The following EPG5 variants were observed in gnomAD, a reference collection of about 807,000 sequenced individuals.
The protein encoded by EPG5 is ectopic P-granules 5 autophagy tethering factor, also known as ectopic P granules protein 5 homolog.
EPG5 carries 159 observed loss-of-function variants against 302.7 expected under a neutral mutation model. That is an observed-to-expected ratio of 0.53 (90% CI 0.46 to 0.60). The LOEUF (loss-of-function observed/expected upper bound fraction) is 0.60, where lower values mean the gene tolerates loss of function less well. Ranked by LOEUF, EPG5 falls within the 20% of genes least tolerant of loss-of-function variation. The pLI is 0.00. For missense variants in EPG5, 2,896 were observed against 3,092.4 expected (o/e 0.94, Z 1.51); for synonymous variants, 1,158 against 1,136.8 (o/e 1.02, Z -0.37).
intron 27 of EPG5, among the ~76,000 whole-genome samples, chr18:45,896,584 G>C (rs989514483): frequency 6.6e-6 from 1 of 150,794 alleles, no homozygotes; most frequent in Non-Finnish European, 1.5e-5. Flanking sequence ...TCACTCTGTT[G>C]CCCAGGCTGG....
chr18:45,887,483 T>C (rs2049243273), intron 29 of EPG5, among the ~76,000 whole-genome samples: 1 of 152,238 alleles, frequency 6.6e-6, no homozygotes, highest in Non-Finnish European at 1.5e-5. Context: ...TTAGTACTGT[T>C]ATTGTTAAGA....
chr18:45,901,770 C>T (rs926491357), intron 25 of EPG5, among the ~76,000 whole-genome samples: 3 of 147,506 alleles, frequency 2.0e-5, no homozygotes, highest in African/African-American at 7.8e-5. Context: ...CTGTGCCACA[C>T]ACACACACAC....
intron 11 of EPG5, among the ~76,000 whole-genome samples, chr18:45,933,904 T>G (rs1421147878): frequency 1.3e-5 from 2 of 152,198 alleles, no homozygotes; most frequent in African/African-American, 4.8e-5. Flanking sequence ...ATTGTCTATC[T>G]TTTTTAACGT....
At chr18:45,915,860 G>A (rs1348064697) in intron 19 of EPG5, 149 bp downstream of exon 19, 13 of 807,692 alleles carry the variant, frequency 1.6e-5, no homozygotes, top group Middle Eastern at 3.8e-4. Flanking sequence ...AGTGGACTAC[G>A]ATTATCGGGA....
chr18:45,931,392 T>C (rs1260274609), intron 11 of EPG5, among the ~76,000 whole-genome samples: 2 of 152,190 alleles, frequency 1.3e-5, no homozygotes, highest in African/African-American at 4.8e-5. Context: ...AACGATATAA[T>C]AAATGTGATA....
At chr18:45,959,418 AG>A (rs201726276) in intron 1 of EPG5, among the ~76,000 whole-genome samples, 2,370 of 152,130 alleles carry the variant, frequency 0.016, 58 homozygotes, top group African/African-American at 0.054. Flanking sequence ...AGGCTGAGGC[AG>A]GTGGATTACG....
chr18:45,937,563 C>G (rs978834403), intron 10 of EPG5, among the ~76,000 whole-genome samples: 1 of 151,988 alleles, frequency 6.6e-6, no homozygotes, highest in African/African-American at 2.4e-5. Context: ...CCTGCCACCA[C>G]GCCCAGCTAA....
chr18:45,867,752 A>G lies in EPG5; in HGVS notation c.6226-4T>C, dbSNP rs1475374269. The G allele has an allele frequency of 1.3e-6, 2 of 1,587,376 alleles. No homozygotes were observed. Among genetic ancestry groups the G allele is most frequent in the South Asian group, 1.1e-5 (1 of 87,730 alleles). On this transcript the variant is annotated splice_polypyrimidine_tract_variant and splice_region_variant and intron_variant, in intron 36 of 43. Coordinates refer to ENST00000282041, the MANE Select transcript of EPG5 (RefSeq NM_020964.3). ...TCTTGGGGCTTCCTCGTTCCACCTA[A>G]AAGAAAATGAATTAAAATCATTCTG...
Position 45,899,420 on chromosome 18 carries a change from G to A in EPG5, c.4793C>T (p.Ala1598Val). 1 of 1,614,138 alleles carries A rather than the reference G, an allele frequency of 6.2e-7. No individual in the cohort carries two copies. Among genetic ancestry groups the A allele is most frequent in the Non-Finnish European group, 8.5e-7 (1 of 1,180,036 alleles). ...AACACTTACCTGAACCGTGACAACT[G>A]CGGCTCCTTGGCATTTCTTACCGCT... ...GSSGKKCQGA[A>V]VVTVQFEGMH... is the part of the protein sequence containing the mutation. The change falls in exon 27 of 44, where the codon GCA becomes GTA. Residue 1598 changes from alanine to valine, a missense_variant. Ala to Val is a moderately conservative substitution (Grantham distance 64). This residue lies in a region of EPG5 where 790 missense variants were observed against 798.0 expected (regional missense o/e 0.99). Transcript: ENST00000282041.
chr18:45,871,342 T>C (rs1024882220), intron 35 of EPG5, among the ~76,000 whole-genome samples: 36 of 152,234 alleles, frequency 2.4e-4, no homozygotes, highest in African/African-American at 7.5e-4. Flanking sequence ...GAGTGTAAAT[T>C]AGTACAACCA....
At chr18:45,842,124 CA>C in the EPG5 span, 8 of 1,614,090 alleles carry the variant, frequency 5.0e-6, no homozygotes, top group Admixed American at 1.2e-4. Flanking sequence ...CCCAGGAGTC[CA>C]ATTATGAAAA....
At chr18:45,898,207 C>T (rs1159782734) in intron 27 of EPG5, among the ~76,000 whole-genome samples, 1 of 152,254 alleles carries the variant, frequency 6.6e-6, no homozygotes, top group South Asian at 2.1e-4. Flanking sequence ...TACAAAACCC[C>T]ATCTCTACTT....
At chr18:45,826,153 G>A in the EPG5 span, among the ~76,000 whole-genome samples, 54 of 152,108 alleles carry the variant, frequency 3.6e-4, no homozygotes, top group African/African-American at 1.3e-3. Context: ...TGTTTTGATG[G>A]GCACAGCCTG....
At chr18:45,866,759 AG>A in intron 38 of EPG5, 38 bp downstream of exon 38, 2 of 1,515,462 alleles carry the variant, frequency 1.3e-6, no homozygotes, top group Non-Finnish European at 1.8e-6. Context: ...ACCAATCTCC[AG>A]GAACAGTCTC....
At chr18:45,857,451 C>G (rs764405306) in intron 42 of EPG5, among the ~76,000 whole-genome samples, 1 of 152,126 alleles carries the variant, frequency 6.6e-6, no homozygotes, top group Non-Finnish European at 1.5e-5. Context: ...TTACAGTTCA[C>G]TAGACTGAGT....
the EPG5 span, among the ~76,000 whole-genome samples, chr18:45,826,471 T>C: frequency 6.6e-6 from 1 of 152,138 alleles, no homozygotes. Context: ...AATCAGAGTA[T>C]CAGGCAGCAA....
At chr18:45,951,314 C>G in intron 3 of EPG5, 76 bp from the exon 4 acceptor site, 1 of 1,069,352 alleles carries the variant, frequency 9.4e-7, no homozygotes, top group Non-Finnish European at 1.2e-6. Flanking sequence ...TCACTTAAAC[C>G]AATAACAACA....
chr18:45,841,737 C>T, the EPG5 span, among the ~76,000 whole-genome samples: 1 of 152,274 alleles, frequency 6.6e-6, no homozygotes, highest in South Asian at 2.1e-4. Context: ...GTGTGAGGGT[C>T]ATGCGTAGCA....
At chr18:45,860,415 A>T in intron 39 of EPG5, 69 bp from the exon 40 acceptor site, 1 of 1,590,634 alleles carries the variant, frequency 6.3e-7, no homozygotes, top group South Asian at 1.1e-5. Flanking sequence ...CAGGAGAATA[A>T]CAGTGCTTCA....
Sources: gnomAD v4.1 joint callset for allele counts (sites outside exome capture counted in the v4.1 genomes callset) on GRCh38, gnomAD v4.1.1 for gene constraint, gnomAD v4.1.1 regional missense constraint, MANE v1.5 for transcripts, NCBI Gene and HGNC (gene_info 2026-07-23, HGNC 2026-07-21) for gene names.